TRDN: variants seen among roughly 807,000 people sequenced by gnomAD.
TRDN encodes triadin.
In TRDN, 161 loss-of-function variants were observed where a neutral mutation model predicts 149.7. The ratio of observed to expected loss-of-function variants is 1.08; its 90% CI spans 0.95 to 1.23. The LOEUF (loss-of-function observed/expected upper bound fraction) is 1.23, where lower values mean the gene tolerates loss of function less well. Ranked by LOEUF, TRDN falls within the 50% of genes most tolerant of loss-of-function variation. The probability of loss-of-function intolerance (pLI) is 0.00; values close to 1 mark genes in which losing one functional copy is unlikely to be tolerated. For missense variants in TRDN, 896 were observed against 823.5 expected (o/e 1.09, Z -1.08); for synonymous variants, 294 against 250.5 (o/e 1.17, Z -1.64).
Position 123,499,717 on chromosome 6 carries a change from AAAATATAT to A in TRDN, c.794-2473_794-2466del, listed in dbSNP as rs1428495857. Among the ~76,000 whole-genome samples, 14 of 55,732 alleles carry A rather than the reference AAAATATAT, an allele frequency of 2.5e-4. No homozygotes were observed. The East Asian group carries it at 4.7e-3, about 19-fold the overall frequency. 36.6% of individuals were successfully genotyped at this position (55,732 alleles called of 152,430 possible). On this transcript the variant is annotated intron_variant, in intron 8 of 40. Transcript: ENST00000334268. ...AGATTCTGGCTCAAAAAAAAAAAAA[AAAATATAT>A]ATATATATATATATATATAGTTACA...
intron 14 of TRDN, among the ~76,000 whole-genome samples, chr6:123,383,156 C>T (rs1424936728): frequency 2.0e-5 from 3 of 151,918 alleles, no homozygotes; most frequent in Admixed American, 1.3e-4. Flanking sequence ...GGTGGTATCA[C>T]GACTTCACTT....
In TRDN at chr6:123,283,999, T is replaced by TATATATATATATATATATAC. The variant is rs1175356129; in HGVS notation, c.1511-4918_1511-4917insGTATATATATATATATATAT. On this transcript the variant is annotated intron_variant, in intron 24 of 40. Coordinates refer to ENST00000334268, the MANE Select transcript of TRDN (RefSeq NM_006073.4). ...CCAACATGGCACATATATATATATA[T>TATATATATATATATATATAC]ATATGTAACAAACCTGCACATTGTG... 2.5e-5 allele frequency among the ~76,000 whole-genome samples: 3 copies of TATATATATATATATATATAC among 117,700 alleles called. No individual in the cohort carries two copies. The East Asian group carries it at 7.3e-4, about 29-fold the overall frequency. 77.2% of individuals were successfully genotyped at this position (117,700 alleles called of 152,430 possible).
At chr6:123,619,281 C>T (rs769349660) in intron 1 of TRDN, among the ~76,000 whole-genome samples, 13 of 152,180 alleles carry the variant, frequency 8.5e-5, no homozygotes, top group Non-Finnish European at 1.6e-4. Context: ...TGGCCTGCCT[C>T]TGCTCCACAG....
chr6:123,453,329 G>A (rs1326723945), intron 10 of TRDN, among the ~76,000 whole-genome samples: 1 of 152,046 alleles, frequency 6.6e-6, no homozygotes, highest in East Asian at 1.9e-4. Context: ...AACCCACAGA[G>A]TGGGAGAAAA....
At chr6:123,540,382 CAG>C (rs1312225589) in intron 4 of TRDN, among the ~76,000 whole-genome samples, 3 of 151,458 alleles carry the variant, frequency 2.0e-5, no homozygotes, top group Non-Finnish European at 2.9e-5. Flanking sequence ...ACAAATGAAA[CAG>C]AGGAAGGAAA....
chr6:123,316,239 A>G (rs1023695064), intron 24 of TRDN, among the ~76,000 whole-genome samples: 15 of 151,896 alleles, frequency 9.9e-5, no homozygotes, highest in African/African-American at 3.4e-4. Flanking sequence ...CTTACCCAAA[A>G]TCTGCTACCA....
rs12196787 is a variant in TRDN at position 123,530,393 on chromosome 6, G to C, written c.484+113C>G. On this transcript the variant is annotated intron_variant, in intron 5 of 40. Transcript: ENST00000334268. The stretch of plus-strand genomic sequence containing the variant: ...TGAAATTAACTGAGGAGTAAATTTA[G>C]TTATTTAATATCAAAAATGTTACAA... The C allele has an allele frequency of 0.54, 267,733 of 499,484 alleles. 73,921 individuals carry two copies. The highest frequency in any genetic ancestry group is 0.62 in the Admixed American group (11,931 of 19,286). The allele number at this position is 499,484 out of a possible 1,614,324, so 30.9% of individuals were successfully genotyped here.
chr6:123,513,295 A>C (rs2114861908), intron 6 of TRDN, among the ~76,000 whole-genome samples: 1 of 152,364 alleles, frequency 6.6e-6, no homozygotes, highest in South Asian at 2.1e-4. Flanking sequence ...ACATTATAAT[A>C]ACATATCTCC....
intron 10 of TRDN, chr6:123,457,425 A>C: frequency 3.0e-6 from 1 of 337,820 alleles, no homozygotes; most frequent in Admixed American, 4.0e-5. Flanking sequence ...TCTTTTTAAT[A>C]ATCAATAACA....
In TRDN at chr6:123,464,456, A is replaced by G. The variant is rs1776667274; in HGVS notation, c.931+450T>C. 3.1e-6 allele frequency: 3 copies of G among 971,290 alleles called. No individual in the cohort carries two copies. In the South Asian group the frequency reaches 1.3e-4, roughly 42 times the overall value. 60.2% of individuals were successfully genotyped at this position (971,290 alleles called of 1,614,324 possible). A position where few individuals can be genotyped will look rare whatever the true frequency, so the allele number is the denominator to read the frequency against. ...AGGAGATCAGTGCTCTGCTTATATC[A>G]TCTTAGAGATGGCAAAACTCATGAA... is the stretch of plus-strand genomic sequence containing the variant. On this transcript the variant is annotated intron_variant, in intron 10 of 40. Coordinates refer to ENST00000334268, the MANE Select transcript of TRDN (RefSeq NM_006073.4).
chr6:123,222,770 A>G (rs927318396), intron 39 of TRDN, among the ~76,000 whole-genome samples: 9 of 151,824 alleles, frequency 5.9e-5, no homozygotes, highest in Admixed American at 3.3e-4. Context: ...AATATCCAGG[A>G]TCTATAAAGC....
At chr6:123,343,957 G>T (rs1780159454) in intron 21 of TRDN, among the ~76,000 whole-genome samples, 1 of 151,802 alleles carries the variant, frequency 6.6e-6, no homozygotes, top group South Asian at 2.1e-4. Context: ...TCAAATTAGT[G>T]GTCTTAGAAA....
At chr6:123,369,030 A>G (rs1444408224) in intron 19 of TRDN, among the ~76,000 whole-genome samples, 1 of 152,186 alleles carries the variant, frequency 6.6e-6, no homozygotes. Context: ...ACAGTTCTAG[A>G]GGCTGGAAGT....
intron 1 of TRDN, among the ~76,000 whole-genome samples, chr6:123,619,992 T>C (rs1488901017): frequency 6.6e-6 from 1 of 152,162 alleles, no homozygotes; most frequent in African/African-American, 2.4e-5. Context: ...AGTTTCTCTC[T>C]TTGATTTCTT....
chr6:123,565,504 C>T (rs1484674504), intron 2 of TRDN, among the ~76,000 whole-genome samples: 16 of 152,190 alleles, frequency 1.1e-4, no homozygotes, highest in Non-Finnish European at 1.5e-5. Flanking sequence ...TATATGAAGA[C>T]TTTGCACACT....
chr6:123,221,224 G>A (rs952243350), intron 40 of TRDN, among the ~76,000 whole-genome samples: 1 of 151,728 alleles, frequency 6.6e-6, no homozygotes, highest in African/African-American at 2.4e-5. Context: ...GAGTACTAAG[G>A]ATCAGAAATA....
At chr6:123,404,314 C>A (rs755826795) in intron 12 of TRDN, among the ~76,000 whole-genome samples, 1 of 152,172 alleles carries the variant, frequency 6.6e-6, no homozygotes, top group Non-Finnish European at 1.5e-5. Context: ...TGTTTGTTAT[C>A]TCTAAGATGT....
At chr6:123,437,852 C>A (rs902551526) in intron 12 of TRDN, among the ~76,000 whole-genome samples, 3 of 152,058 alleles carry the variant, frequency 2.0e-5, no homozygotes, top group African/African-American at 7.2e-5. Flanking sequence ...TGAGTTCAGA[C>A]TCAATTCCAG....
intron 9 of TRDN, among the ~76,000 whole-genome samples, chr6:123,467,557 G>A (rs1280472434): frequency 6.6e-6 from 1 of 151,968 alleles, no homozygotes; most frequent in Non-Finnish European, 1.5e-5. Context: ...GAAAGGAGAA[G>A]CCAGCTGGCT....
Sources: gnomAD v4.1 joint callset for allele counts (sites outside exome capture counted in the v4.1 genomes callset) on GRCh38, gnomAD v4.1.1 for gene constraint, MANE v1.5 for transcripts, NCBI Gene and HGNC (gene_info 2026-07-23, HGNC 2026-07-21) for gene names.